The following BPI variants were observed in gnomAD, a reference collection of about 807,000 sequenced individuals.
BPI encodes the protein bactericidal permeability-increasing protein.
BPI carries 48 observed loss-of-function variants against 57.6 expected under a neutral mutation model. That is an observed-to-expected ratio of 0.83 (90% CI 0.66 to 1.06). The LOEUF is 1.06. Among genes scored for constraint, BPI ranks in the 50% least tolerant of loss-of-function variants. BPI has a pLI of 0.00. For synonymous variants in BPI, 237 were observed against 238.2 expected (o/e 0.99, Z 0.05); for missense variants, 651 against 609.7 (o/e 1.07, Z -0.71).
At chr20:38,304,915 C>T (rs56132516) in intron 1 of BPI, among the ~76,000 whole-genome samples, 3,839 of 152,232 alleles carry the variant, frequency 0.025, 167 homozygotes, top group African/African-American at 0.088. Flanking sequence ...AGGAACTTTA[C>T]ACACACAGTC....
Position 38,310,583 on chromosome 20 carries a change from C to T in BPI, c.467C>T (p.Thr156Ile), listed in dbSNP as rs1198963943. Residue 156 changes from threonine (T) to isoleucine (I), a missense_variant, in exon 4 of 15, where the codon ACC becomes ATC. By Grantham distance (89) the Thr-to-Ile change is moderately conservative. Coordinates refer to ENST00000642449, the MANE Select transcript of BPI (RefSeq NM_001725.3). The part of the protein sequence containing the change: ...LGSNPTSGKP[T>I]ITCSSCSSHI... ...AGTAACCCCACGTCAGGCAAGCCCA[C>T]CATCACCTGCTCCAGCTGCAGCAGC... 1 of 1,614,202 alleles carries T rather than the reference C, an allele frequency of 6.2e-7. No homozygotes were observed. Among genetic ancestry groups the T allele is most frequent in the East Asian group, 2.2e-5 (1 of 44,892 alleles).
At chr20:38,308,409 G>A (rs561317927) in intron 2 of BPI, among the ~76,000 whole-genome samples, 36 of 152,302 alleles carry the variant, frequency 2.4e-4, no homozygotes, top group Middle Eastern at 3.4e-3. Context: ...ACAAGAAGGG[G>A]GCTGTGCACT....
chr20:38,308,684 AG>A (rs2076607791), intron 2 of BPI, among the ~76,000 whole-genome samples: 1 of 152,216 alleles, frequency 6.6e-6, no homozygotes, highest in South Asian at 2.1e-4. Flanking sequence ...ATTATGCCCA[AG>A]GTAACCCAAG....
In BPI at chr20:38,323,874, A is replaced by T. The variant is rs754369613; in HGVS notation, c.761A>T (p.Glu254Val). 1 of 1,613,188 alleles carries T rather than the reference A, an allele frequency of 6.2e-7. No homozygotes were observed. The highest frequency in any genetic ancestry group is 8.5e-7 in the Non-Finnish European group (1 of 1,179,696). ...AETLDVQMKG[E>V]FYSENHHNPP... is the part of the protein sequence containing the mutation. ...CTCTGTTGCCTCTACCCCCAGGGGGAGTTTTACAGTGAGAACCACCACAAT... is the reference window on the plus strand; with the variant it reads ...CTCTGTTGCCTCTACCCCCAGGGGGTGTTTTACAGTGAGAACCACCACAAT... The change falls in exon 8 of 15, where the codon GAG (glutamate) becomes GTG (valine). Residue 254 changes from glutamate to valine, a missense_variant. Glu to Val is a moderately radical substitution (Grantham distance 121). Transcript: ENST00000642449.
At chr20:38,335,943 G>T (rs2076765562) in intron 14 of BPI, among the ~76,000 whole-genome samples, 1 of 152,176 alleles carries the variant, frequency 6.6e-6, no homozygotes, top group Non-Finnish European at 1.5e-5. Flanking sequence ...AAAATGAAAT[G>T]CATTTGTGGG....
intron 3 of BPI, among the ~76,000 whole-genome samples, chr20:38,309,550 G>A (rs1288632770): frequency 6.6e-6 from 1 of 152,144 alleles, no homozygotes; most frequent in African/African-American, 2.4e-5. Context: ...AAAAGGGAAA[G>A]CAGGAACACA....
In BPI at chr20:38,337,368, G is replaced by A. The variant is rs955312645; in HGVS notation, c.*184G>A. The A allele has an allele frequency of 1.9e-6, 1 of 517,094 alleles. No individual in the cohort carries two copies. Among genetic ancestry groups the A allele is most frequent in the Non-Finnish European group, 3.3e-6 (1 of 300,954 alleles). 32.0% of individuals were successfully genotyped at this position (517,094 alleles called of 1,614,324 possible). On this transcript the variant is annotated 3_prime_UTR_variant, in exon 15 of 15. Transcript: ENST00000642449. ...ATTATTCATTGGAAAAGTGCATGGT[G>A]TGTATTTTAGGGATTATGAGCTTCT...
At chr20:38,332,064 C>A (rs767457042) in intron 12 of BPI, among the ~76,000 whole-genome samples, 1 of 151,994 alleles carries the variant, frequency 6.6e-6, no homozygotes, top group African/African-American at 2.4e-5. Context: ...AAGCTTGGTG[C>A]GTTTGGGGAA....
At chr20:38,334,671 T>C (rs2076758456) in intron 13 of BPI, among the ~76,000 whole-genome samples, 178 bp downstream of exon 13, 2 of 152,114 alleles carry the variant, frequency 1.3e-5, no homozygotes, top group African/African-American at 4.8e-5. Flanking sequence ...CTCACATGAG[T>C]TGACTTACTA....
chr20:38,333,512 C>T (rs987238986), intron 12 of BPI, among the ~76,000 whole-genome samples: 3 of 152,242 alleles, frequency 2.0e-5, no homozygotes, highest in Non-Finnish European at 2.9e-5. Context: ...AAAAACCATG[C>T]ATATTTTCAT....
At chr20:38,316,142 C>G (rs1382692210) in intron 5 of BPI, among the ~76,000 whole-genome samples, 1 of 152,092 alleles carries the variant, frequency 6.6e-6, no homozygotes, top group Non-Finnish European at 1.5e-5. Context: ...CTCTTCCTTT[C>G]TTTTCTCCCT....
At chr20:38,312,622 G>A (rs1221751713) in intron 5 of BPI, among the ~76,000 whole-genome samples, 1 of 152,208 alleles carries the variant, frequency 6.6e-6, no homozygotes, top group Non-Finnish European at 1.5e-5. Context: ...TGGGTGACTT[G>A]GCCAGATCTG....
chr20:38,323,167 G>A (rs1452738125), intron 7 of BPI, among the ~76,000 whole-genome samples: 1 of 152,152 alleles, frequency 6.6e-6, no homozygotes, highest in South Asian at 2.1e-4. Flanking sequence ...ATGTTGGTGT[G>A]TGTCCTTTTT....
At chr20:38,331,843 C>CAAA (rs71644569) in intron 12 of BPI, among the ~76,000 whole-genome samples, 1 of 80,992 alleles carries the variant, frequency 1.2e-5, no homozygotes, top group African/African-American at 4.6e-5. Context: ...AATCTTGTCT[C>CAAA]AAAAAAAAAA....
intron 4 of BPI, 48 bp downstream of exon 4, chr20:38,310,700 C>T: frequency 1.9e-6 from 3 of 1,583,138 alleles, no homozygotes; most frequent in Admixed American, 1.7e-5. Context: ...TAAAGAAGAA[C>T]TCTCCCAATC....
chr20:38,331,198 A>T, intron 12 of BPI, 108 bp downstream of exon 12: 1 of 1,351,308 alleles, frequency 7.4e-7, no homozygotes, highest in Non-Finnish European at 1.0e-6. Context: ...GCTCATTTGC[A>T]TTTAATTTGG....
chr20:38,329,699 C>A (rs571362723), intron 11 of BPI, among the ~76,000 whole-genome samples: 2 of 150,170 alleles, frequency 1.3e-5, no homozygotes, highest in Non-Finnish European at 2.9e-5. Context: ...GAGCCCTGTT[C>A]GAAACCCTGC....
chr20:38,325,529 G>C (rs906076475), intron 9 of BPI, among the ~76,000 whole-genome samples: 11 of 152,142 alleles, frequency 7.2e-5, no homozygotes, highest in African/African-American at 2.2e-4. Flanking sequence ...TTCTTATAAG[G>C]ACACTAATTC....
In BPI at chr20:38,331,033, C is replaced by T. The variant is rs1301922571; in HGVS notation, c.1230-15C>T. On this transcript the variant is annotated splice_polypyrimidine_tract_variant and intron_variant, in intron 11 of 14. Transcript: ENST00000642449. Reference sequence around the variant, plus strand: ...GGCAATTGGTGGTCTCAGTCCCCTCCTCCCCCTCTCACAGGCTGCTCCTGG... The same window carrying T: ...GGCAATTGGTGGTCTCAGTCCCCTCTTCCCCCTCTCACAGGCTGCTCCTGG... The T allele has an allele frequency of 2.5e-6, 4 of 1,613,878 alleles. No individual in the cohort carries two copies. The highest frequency in any genetic ancestry group is 3.4e-6 in the Non-Finnish European group (4 of 1,179,896).
Sources: allele counts gnomAD v4.1 joint callset (sites outside exome capture counted in the v4.1 genomes callset), GRCh38; gene constraint gnomAD v4.1.1; transcripts MANE v1.5; gene names NCBI Gene and HGNC (gene_info 2026-07-23, HGNC 2026-07-21).